USP34: variants seen among roughly 807,000 people sequenced by gnomAD.
USP34 encodes the protein ubiquitin carboxyl-terminal hydrolase 34.
Under a neutral mutation model 460.3 loss-of-function variants are expected in USP34, and 70 were observed. That is an observed-to-expected ratio of 0.15 (90% CI 0.13 to 0.19). The LOEUF (loss-of-function observed/expected upper bound fraction) is 0.19. Among genes scored for constraint, USP34 ranks in the 10% least tolerant of loss-of-function variants. The pLI, the probability that USP34 is intolerant of heterozygous loss-of-function variation, is 1.00. For missense variants in USP34, 3,985 were observed against 4,236.2 expected, an observed-to-expected ratio of 0.94 and a Z score of 1.65; for synonymous variants, 1,647 against 1,405.3, an observed-to-expected ratio of 1.17 and a Z score of -3.85.
intron 19 of USP34, among the ~76,000 whole-genome samples, chr2:61,332,522 C>G (rs1691301939): frequency 6.6e-6 from 1 of 151,884 alleles, no homozygotes; most frequent in Non-Finnish European, 1.5e-5. Context: ...CAGAGACTGC[C>G]CCTTCTATAC....
intron 27 of USP34, among the ~76,000 whole-genome samples, chr2:61,303,510 T>C (rs985546655): frequency 6.6e-6 from 1 of 152,224 alleles, no homozygotes; most frequent in Non-Finnish European, 1.5e-5. Flanking sequence ...TTTTGTATTA[T>C]ACAAAACCAG....
chr2:61,469,477 G>A (rs887362165), intron 1 of USP34, among the ~76,000 whole-genome samples: 4 of 152,102 alleles, frequency 2.6e-5, no homozygotes, highest in Non-Finnish European at 5.9e-5. Context: ...ACCTCTAGTT[G>A]GAATATGTGC....
At chr2:61,321,033 G>C (rs1182086091) in intron 21 of USP34, among the ~76,000 whole-genome samples, 2 of 151,734 alleles carry the variant, frequency 1.3e-5, no homozygotes, top group East Asian at 2.0e-4. Flanking sequence ...AAAAGTAGCT[G>C]GGCAGGGTGG....
At chr2:61,281,391 A>C (rs1689531984) in intron 37 of USP34, 149 bp from the exon 38 acceptor site, 2 of 1,025,492 alleles carry the variant, frequency 2.0e-6, no homozygotes, top group African/African-American at 1.6e-5. Flanking sequence ...GCAGGAGGAT[A>C]ACCTGTGGCC....
At chr2:61,309,397 C>G (rs1330264575) in intron 27 of USP34, among the ~76,000 whole-genome samples, 1 of 152,048 alleles carries the variant, frequency 6.6e-6, no homozygotes, top group Non-Finnish European at 1.5e-5. Flanking sequence ...AAGAGAATTA[C>G]CAGAAGGATG....
chr2:61,390,144 A>G (rs937052724), intron 5 of USP34, among the ~76,000 whole-genome samples: 1 of 152,210 alleles, frequency 6.6e-6, no homozygotes, highest in Non-Finnish European at 1.5e-5. Flanking sequence ...ACCTTTGACT[A>G]AAGCATATTT....
chr2:61,313,434 T>C lies in USP34; in HGVS notation c.3542+1151A>G, dbSNP rs550223685. Among the ~76,000 whole-genome samples the C allele has an allele frequency of 5.3e-5, 8 of 152,260 alleles. No individual in the cohort carries two copies. In the South Asian group the frequency reaches 1.2e-3, roughly 24 times the overall value. Reference sequence around the variant, plus strand: ...GAATCAACAGGACCTTGTTGGTTTGTTGAAGATCCCACAGCATAGAAAAAA... The same window carrying C: ...GAATCAACAGGACCTTGTTGGTTTGCTGAAGATCCCACAGCATAGAAAAAA... On this transcript the variant is annotated intron_variant, in intron 25 of 79. Coordinates refer to ENST00000398571, the MANE Select transcript of USP34 (RefSeq NM_014709.4).
chr2:61,188,567 G>C lies in USP34; in HGVS notation c.10176C>G (p.Asp3392Glu). 1 of 1,614,204 alleles carries C rather than the reference G, an allele frequency of 6.2e-7. No homozygotes were observed. The highest frequency in any genetic ancestry group is 8.5e-7 in the Non-Finnish European group (1 of 1,180,042). ...PTSTSDNETR[D>E]SSIIDPGTEQ... ...CAGTTCCTGGATCAATAATTGAGGAGTCTCTGGTCTCATTGTCAGAAGTGC... is the reference window on the plus strand; with the variant it reads ...CAGTTCCTGGATCAATAATTGAGGACTCTCTGGTCTCATTGTCAGAAGTGC... The change falls in exon 80 of 80, where the codon GAC becomes GAG. Residue 3392 changes from aspartate (D) to glutamate (E), a missense_variant. Around this residue, in one of 14 missense-constraint regions of USP34, gnomAD observed 506 missense variants for 439.0 expected, o/e 1.15. Transcript: ENST00000398571.
At chr2:61,412,940 C>T (rs1467789384) in intron 2 of USP34, among the ~76,000 whole-genome samples, 1 of 145,634 alleles carries the variant, frequency 6.9e-6, no homozygotes, top group African/African-American at 2.5e-5. Context: ...AAGAAGGGTA[C>T]AATATCTGAC....
At position 61,259,614 on chromosome 2, in the gene USP34, G is replaced by T. The variant is rs981851428; in HGVS notation, c.5844+97C>A. 1.1e-5 allele frequency: 12 copies of T among 1,056,650 alleles called. No homozygotes were observed. In the Admixed American group the frequency reaches 1.8e-4, roughly 16 times the overall value. 65.5% of individuals were successfully genotyped at this position (1,056,650 alleles called of 1,614,324 possible). On this transcript the variant is annotated intron_variant, in intron 44 of 79. Coordinates refer to ENST00000398571, the MANE Select transcript of USP34 (RefSeq NM_014709.4). ...TTGCCCAGGCTGGTCTCAAGCTCTT[G>T]AACTCAAGCCATCCACCCACCTTGG...
At position 61,420,851 on chromosome 2, in the gene USP34, T is replaced by C. The variant is rs1694333844; in HGVS notation, c.44-18A>G. The C allele has an allele frequency of 6.3e-7, 1 of 1,587,460 alleles. No individual in the cohort carries two copies. Among genetic ancestry groups the C allele is most frequent in the Admixed American group, 1.7e-5 (1 of 57,682 alleles). On this transcript the variant is annotated intron_variant, in intron 1 of 79. Transcript: ENST00000398571. ...ATCTGATACTGAAATAAAAAAGAAATTTTAAAATTATGAATAATGCTAAAC... is the reference window on the plus strand; with the variant it reads ...ATCTGATACTGAAATAAAAAAGAAACTTTAAAATTATGAATAATGCTAAAC...
At chr2:61,205,742 T>C (rs937448076) in intron 72 of USP34, among the ~76,000 whole-genome samples, 5 of 152,230 alleles carry the variant, frequency 3.3e-5, no homozygotes, top group Non-Finnish European at 5.9e-5. Context: ...CTTGCTTACA[T>C]AGGATAACAA....
At chr2:61,355,580 T>C (rs997298331) in intron 10 of USP34, among the ~76,000 whole-genome samples, 4 of 151,558 alleles carry the variant, frequency 2.6e-5, no homozygotes, top group Admixed American at 2.6e-4. Context: ...CAGAAGAAAA[T>C]TAAAAGGAAA....
chr2:61,469,901 T>C (rs1199816581), intron 1 of USP34, among the ~76,000 whole-genome samples: 1 of 152,174 alleles, frequency 6.6e-6, no homozygotes, highest in Non-Finnish European at 1.5e-5. Flanking sequence ...GTACCCTTTT[T>C]AATAATAAAA....
intron 61 of USP34, 27 bp downstream of exon 61, chr2:61,228,618 C>A: frequency 6.3e-7 from 1 of 1,592,038 alleles, no homozygotes; most frequent in Non-Finnish European, 8.6e-7. Context: ...GCCTCTAATA[C>A]CTAATGTACG....
At position 61,383,640 on chromosome 2, in the gene USP34, G is replaced by C. The variant is rs988017200; in HGVS notation, c.754-304C>G. On this transcript the variant is annotated intron_variant, in intron 5 of 79. Coordinates refer to ENST00000398571, the MANE Select transcript of USP34 (RefSeq NM_014709.4). Reference sequence around the variant, plus strand: ...ATCGCTTGAACCCCCACCCCCGGGGGGGGCGGGGGGAAGAGGATGTGGTGA... The same window carrying C: ...ATCGCTTGAACCCCCACCCCCGGGGCGGGCGGGGGGAAGAGGATGTGGTGA... Among the ~76,000 whole-genome samples the C allele has an allele frequency of 2.6e-5, 4 of 152,024 alleles. No homozygotes were observed. In the South Asian group the frequency reaches 8.3e-4, roughly 32 times the overall value.
intron 61 of USP34, among the ~76,000 whole-genome samples, chr2:61,227,479 G>C (rs1328303337): frequency 6.6e-6 from 1 of 152,180 alleles, no homozygotes; most frequent in Admixed American, 6.5e-5. Context: ...GGAAGGCTGA[G>C]GCGGGTGGAT....
At chr2:61,241,930 A>C in intron 51 of USP34, 111 bp from the exon 52 acceptor site, 1 of 607,048 alleles carries the variant, frequency 1.6e-6, no homozygotes. Flanking sequence ...GTAACTTTGT[A>C]AGTAGTTTTC....
rs528279438 is a variant in USP34, at chr2:61,438,337, C to T, written c.44-17504G>A. Among the ~76,000 whole-genome samples the T allele has an allele frequency of 5.3e-5, 8 of 152,192 alleles. No individual in the cohort carries two copies. The South Asian group carries it at 8.3e-4, about 16-fold the overall frequency. ...ATTAAAAAAAAAACTCTAGGCCAGG[C>T]GTGGTGGCTCAACGCCTGTAATCCC... On this transcript the variant is annotated intron_variant, in intron 1 of 79. Coordinates refer to ENST00000398571, the MANE Select transcript of USP34 (RefSeq NM_014709.4).
Sources: allele counts gnomAD v4.1 joint callset (sites outside exome capture counted in the v4.1 genomes callset), GRCh38; gene constraint gnomAD v4.1.1; regional missense constraint gnomAD v4.1.1; transcripts MANE v1.5; gene names NCBI Gene and HGNC (gene_info 2026-07-23, HGNC 2026-07-21).